The following TRPM4 variants were observed in gnomAD, a reference collection of about 807,000 sequenced individuals.
The protein encoded by TRPM4 is calcium-activated non-selective cation channel 1.
A neutral mutation model predicts 135.6 loss-of-function variants in TRPM4; 124 were observed. The ratio of observed to expected loss-of-function variants is 0.91; its 90% CI spans 0.79 to 1.06. The LOEUF (loss-of-function observed/expected upper bound fraction) is 1.06, where lower values mean the gene tolerates loss of function less well. Ranked by LOEUF, TRPM4 falls within the 50% of genes least tolerant of loss-of-function variation. The probability of loss-of-function intolerance (pLI) is 0.00; values close to 1 mark genes in which losing one functional copy is unlikely to be tolerated. For synonymous variants in TRPM4, 745 were observed against 705.6 expected (o/e 1.06, Z -0.88); for missense variants, 1,658 against 1,671.4 (o/e 0.99, Z 0.14).
rs748407688 is a variant in TRPM4 at position 49,182,697 on chromosome 19, C to T, written c.1383C>T (p.Ala461=). 3.1e-6 allele frequency: 5 copies of T among 1,614,238 alleles called. No homozygotes were observed. In the South Asian group the frequency reaches 5.5e-5, roughly 18 times the overall value. Residue 461 remains alanine (A), a synonymous_variant, in exon 11 of 25, where the codon GCC becomes GCT. Coordinates refer to ENST00000252826, the MANE Select transcript of TRPM4 (RefSeq NM_017636.4). Reference sequence around the variant, plus strand: ...ACTTCCTGACCCCGATGCGCCTGGCCCAACTCTACAGCGCGGCGCCCTCCA... The same window carrying T: ...ACTTCCTGACCCCGATGCGCCTGGCTCAACTCTACAGCGCGGCGCCCTCCA... ...LGHFLTPMRL[A]QLYSAAPSNS...
At chr19:49,164,086 C>T (rs764124181) in intron 2 of TRPM4, among the ~76,000 whole-genome samples, 1 of 152,210 alleles carries the variant, frequency 6.6e-6, no homozygotes, top group Non-Finnish European at 1.5e-5. Context: ...GCTATCCCTT[C>T]TGTAAAATTG....
chr19:49,165,877 CCCCGAGG>C (rs1967151022), intron 2 of TRPM4, among the ~76,000 whole-genome samples, 157 bp from the exon 3 acceptor site: 1 of 152,200 alleles, frequency 6.6e-6, no homozygotes, highest in South Asian at 2.1e-4. Context: ...TCCAGTCTCT[CCCCGAGG>C]CCGTCAGAGC....
chr19:49,159,103 C>T (rs1600382282), intron 2 of TRPM4: 1 of 145,864 alleles, frequency 6.9e-6, no homozygotes, highest in East Asian at 2.0e-4. Flanking sequence ...GCGATCTCGG[C>T]TCACTGCAAG....
intron 6 of TRPM4, among the ~76,000 whole-genome samples, chr19:49,168,952 G>T (rs904247594): frequency 4.0e-5 from 6 of 151,874 alleles, no homozygotes; most frequent in Non-Finnish European, 7.4e-5. Context: ...TAGGAGGATT[G>T]CTTGAGGCCA....
At chr19:49,173,904 A>C (rs958550053) in intron 9 of TRPM4, among the ~76,000 whole-genome samples, 1 of 151,980 alleles carries the variant, frequency 6.6e-6, no homozygotes, top group Admixed American at 6.6e-5. Flanking sequence ...TCCTGGCCTC[A>C]ACTGATCCTC....
Position 49,200,333 on chromosome 19 carries a change from T to G in TRPM4, c.2679T>G (p.Thr893=). The G allele has an allele frequency of 6.2e-7, 1 of 1,614,160 alleles. No individual in the cohort carries two copies. The highest frequency in any genetic ancestry group is 8.5e-7 in the Non-Finnish European group (1 of 1,180,034). ...CGGGTTTGTACCACCTGGGCCGCAC[T>G]GTCCTCTGCATCGACTTCATGGTTT... The part of the protein sequence containing the change: ...LTPGLYHLGR[T]VLCIDFMVFT... The change falls in exon 18 of 25, where the codon ACT becomes ACG. Residue 893 remains threonine (T), a synonymous_variant. Transcript: ENST00000252826.
intron 10 of TRPM4, 36 bp downstream of exon 10, chr19:49,181,497 C>A: frequency 2.2e-4 from 249 of 1,131,810 alleles, no homozygotes; most frequent in Non-Finnish European, 3.1e-4. Flanking sequence ...GGCATACTGA[C>A]AAAGGGACTG....
Position 49,189,070 on chromosome 19 carries a change from C to G in TRPM4, c.1998C>G (p.Phe666Leu). The G allele has an allele frequency of 6.2e-7, 1 of 1,614,196 alleles. No homozygotes were observed. The highest frequency in any genetic ancestry group is 1.1e-5 in the South Asian group (1 of 91,092). Residue 666 changes from phenylalanine to leucine, a missense_variant, in exon 14 of 25, where the codon TTC (phenylalanine) becomes TTG (leucine). Around this residue, in one of 3 missense-constraint regions of TRPM4, gnomAD observed 1,412 missense variants for 1,408.7 expected, o/e 1.00. Coordinates refer to ENST00000252826, the MANE Select transcript of TRPM4 (RefSeq NM_017636.4). ...CCATGCAAGCTGACGCCCGTGCCTT[C>G]TTTGCCCAGGATGGGGTACAGGTGA... ...QLAMQADARA[F>L]FAQDGVQSLL...
chr19:49,205,548 T>C (rs1402112757), intron 20 of TRPM4, among the ~76,000 whole-genome samples: 1 of 141,412 alleles, frequency 7.1e-6, no homozygotes, highest in Admixed American at 7.0e-5. Context: ...TTTTTTTTTT[T>C]TTTTGGAGAC....
intron 13 of TRPM4, 68 bp from the exon 14 acceptor site, chr19:49,188,878 A>G: frequency 6.2e-7 from 1 of 1,612,628 alleles, no homozygotes; most frequent in South Asian, 1.1e-5. Flanking sequence ...AAATTCCCTT[A>G]CCTCTCCCTT....
chr19:49,208,981 A>C (rs552583555), intron 20 of TRPM4, among the ~76,000 whole-genome samples: 1 of 151,388 alleles, frequency 6.6e-6, no homozygotes, highest in Non-Finnish European at 1.5e-5. Context: ...AAAATCGTGA[A>C]GTGTTGTTGA....
chr19:49,189,012 C>T lies in TRPM4; in HGVS notation c.1940C>T (p.Pro647Leu), dbSNP rs201329004. Residue 647 changes from proline (P) to leucine (L), a missense_variant, in exon 14 of 25, where the codon CCG becomes CTG. Physicochemically the swap from Pro to Leu is moderately conservative, Grantham distance 98. Around this residue, in one of 3 missense-constraint regions of TRPM4, gnomAD observed 1,412 missense variants for 1,408.7 expected, o/e 1.00. Transcript: ENST00000252826. ...RAARLLLRRC[P>L]LWGDATCLQL... The stretch of plus-strand genomic sequence containing the variant: ...GCCCGCCTCCTCCTCCGTCGCTGCC[C>T]GCTCTGGGGGGATGCCACTTGCCTC... The T allele has an allele frequency of 6.2e-7, 1 of 1,614,194 alleles. No individual in the cohort carries two copies. The highest frequency in any genetic ancestry group is 1.7e-5 in the Admixed American group (1 of 60,024).
intron 19 of TRPM4, among the ~76,000 whole-genome samples, 200 bp downstream of exon 19, chr19:49,200,985 CTG>C: frequency 6.6e-6 from 1 of 151,166 alleles, no homozygotes; most frequent in South Asian, 2.1e-4. Flanking sequence ...GTCTTTCTGT[CTG>C]TCTTTCTTTT....
At chr19:49,183,988 C>G (rs923774380) in intron 12 of TRPM4, among the ~76,000 whole-genome samples, 1 of 151,800 alleles carries the variant, frequency 6.6e-6, no homozygotes, top group Non-Finnish European at 1.5e-5. Context: ...GTCTTGATCT[C>G]CTGACCTTGT....
chr19:49,190,038 C>T (rs372480688), intron 14 of TRPM4, among the ~76,000 whole-genome samples, 170 bp from the exon 15 acceptor site: 1 of 152,206 alleles, frequency 6.6e-6, no homozygotes, highest in East Asian at 1.9e-4. Flanking sequence ...CTGCCAAAAC[C>T]TGGCCTAAGT....
At position 49,168,611 on chromosome 19, in the gene TRPM4, C is replaced by CGAA. The variant is rs1302970099; in HGVS notation, c.671_672insGAA (p.Pro224_Leu225insAsn). 1 of 1,613,640 alleles carries CGAA rather than the reference C, an allele frequency of 6.2e-7. No individual in the cohort carries two copies. Among genetic ancestry groups the CGAA allele is most frequent in the African/African-American group, 1.3e-5 (1 of 74,900 alleles). ...GACCCGGAGGACGGGGTCCAGTTTC[C>CGAA]CCTGGACTACAACTACTCGGCCTTC... On this transcript the variant is annotated inframe_insertion, in exon 6 of 25. Transcript: ENST00000252826.
At chr19:49,174,891 GT>G (rs1442446910) in intron 9 of TRPM4, among the ~76,000 whole-genome samples, 2 of 151,392 alleles carry the variant, frequency 1.3e-5, no homozygotes, top group African/African-American at 2.4e-5. Context: ...GTCATTTTTG[GT>G]GTCAGAAGAA....
In TRPM4 at chr19:49,168,027, G is replaced by T; in HGVS notation, c.378G>T (p.Gly126=). The change falls in exon 4 of 25, where the codon GGG becomes GGT. Residue 126 remains glycine, a synonymous_variant. Coordinates refer to ENST00000252826, the MANE Select transcript of TRPM4 (RefSeq NM_017636.4). Reference sequence around the variant, plus strand: ...TGGTGTCAGTGCTGGGGGGATCGGGGGGCCCCGTCCTCCAGACCTGGCTGC... The same window carrying T: ...TGGTGTCAGTGCTGGGGGGATCGGGTGGCCCCGTCCTCCAGACCTGGCTGC... ...NLVVSVLGGS[G]GPVLQTWLQD... The T allele has an allele frequency of 6.2e-7, 1 of 1,613,272 alleles. No homozygotes were observed. Among genetic ancestry groups the T allele is most frequent in the African/African-American group, 1.3e-5 (1 of 75,068 alleles).
rs761853327 is a variant in TRPM4, at chr19:49,196,481, G to A, written c.2252G>A (p.Arg751His). 5 of 1,554,302 alleles carry A rather than the reference G, an allele frequency of 3.2e-6. No homozygotes were observed. The highest frequency in any genetic ancestry group is 4.8e-5 in the East Asian group (2 of 41,852). The change falls in exon 17 of 25, where the codon CGC becomes CAC. Residue 751 changes from arginine to histidine, a missense_variant. Physicochemically the swap from Arg to His is conservative, Grantham distance 29 (BLOSUM62 0). This residue lies in a region of TRPM4 where 1,412 missense variants were observed against 1,408.7 expected (regional missense o/e 1.00). Transcript: ENST00000252826. ...PAEKTPLGVP[R>H]QSGRPGCCGG... ...GAGAAGACGCCGCTGGGGGTCCCGC[G>A]CCAGTCGGGCCGTCCGGGTTGCTGC...
Sources: gnomAD v4.1 joint callset for allele counts (sites outside exome capture counted in the v4.1 genomes callset) on GRCh38, gnomAD v4.1.1 for gene constraint, gnomAD v4.1.1 regional missense constraint, MANE v1.5 for transcripts, NCBI Gene and HGNC (gene_info 2026-07-23, HGNC 2026-07-21) for gene names.